The following PCSK2 variants were observed in gnomAD, a reference collection of about 807,000 sequenced individuals.
PCSK2 encodes the protein proprotein convertase subtilisin/kexin type 2.
In PCSK2, 14 loss-of-function variants were observed where a neutral mutation model predicts 69.7. The ratio of observed to expected loss-of-function variants is 0.20; its 90% CI spans 0.13 to 0.31. The LOEUF (loss-of-function observed/expected upper bound fraction) is 0.31. Ranked by LOEUF, PCSK2 falls within the 10% of genes least tolerant of loss-of-function variation. PCSK2 has a pLI of 1.00. For synonymous variants in PCSK2, 307 were observed against 320.7 expected (o/e 0.96, Z 0.46); for missense variants, 544 against 842.5 (o/e 0.65, Z 4.39).
In PCSK2 at chr20:17,291,969, G is replaced by C. The variant is rs1988710786; in HGVS notation, c.282+31625G>C. On this transcript the variant is annotated intron_variant, in intron 2 of 11. Coordinates refer to ENST00000262545, the MANE Select transcript of PCSK2 (RefSeq NM_002594.5). ...ATCAAGAAAAATCTAGGGGTAAAAA[G>C]TGTCTTTCATAGGAGTCCAAAAATA... Among the ~76,000 whole-genome samples the C allele has an allele frequency of 2.0e-5, 3 of 152,280 alleles. No individual in the cohort carries two copies. The South Asian group carries it at 6.2e-4, about 32-fold the overall frequency.
At chr20:17,285,005 A>T (rs1253441508) in intron 2 of PCSK2, among the ~76,000 whole-genome samples, 3 of 152,144 alleles carry the variant, frequency 2.0e-5, no homozygotes, top group Non-Finnish European at 4.4e-5. Flanking sequence ...AAGTCTTGTG[A>T]TTTTAATGTC....
chr20:17,267,322 C>T (rs1276539001), intron 2 of PCSK2, among the ~76,000 whole-genome samples: 1 of 152,174 alleles, frequency 6.6e-6, no homozygotes, highest in Admixed American at 6.5e-5. Context: ...GTAAACCATT[C>T]ATGAGTGATG....
At chr20:17,348,094 A>AGAAAGAAT (rs1990749134) in intron 2 of PCSK2, among the ~76,000 whole-genome samples, 2 of 146,078 alleles carry the variant, frequency 1.4e-5, no homozygotes, top group South Asian at 2.2e-4. Context: ...AAAGAAAGAA[A>AGAAAGAAT]GAAAGAAAGA....
chr20:17,335,857 G>GGTGTGTGTGTGTGTGT (rs3138653), intron 2 of PCSK2, among the ~76,000 whole-genome samples: 6 of 142,696 alleles, frequency 4.2e-5, no homozygotes, highest in Non-Finnish European at 7.6e-5. Flanking sequence ...AGTAGTCCAT[G>GGTGTGTGTGTGTGTGT]GTGTGTGTGT....
chr20:17,398,739 T>C (rs1456176615), intron 5 of PCSK2, among the ~76,000 whole-genome samples: 4 of 151,618 alleles, frequency 2.6e-5, no homozygotes, highest in African/African-American at 9.7e-5. Context: ...AGAGGTTCTG[T>C]TGGGTTTGTT....
At chr20:17,420,665 A>C (rs2032103487) in intron 6 of PCSK2, among the ~76,000 whole-genome samples, 1 of 152,252 alleles carries the variant, frequency 6.6e-6, no homozygotes, top group African/African-American at 2.4e-5. Flanking sequence ...TAATGTGTAC[A>C]TGCCATATAG....
chr20:17,241,775 T>A (rs943890188), intron 1 of PCSK2, among the ~76,000 whole-genome samples: 1 of 152,142 alleles, frequency 6.6e-6, no homozygotes, highest in African/African-American at 2.4e-5. Context: ...TATAAATATA[T>A]GAATGCAGAA....
intron 2 of PCSK2, among the ~76,000 whole-genome samples, chr20:17,321,328 G>A (rs1989860695): frequency 6.6e-6 from 1 of 152,174 alleles, no homozygotes; most frequent in South Asian, 2.1e-4. Flanking sequence ...AAGTATGTAA[G>A]CAGCCCATCC....
chr20:17,393,338 A>C (rs1228267222), intron 5 of PCSK2, among the ~76,000 whole-genome samples: 1 of 152,200 alleles, frequency 6.6e-6, no homozygotes, highest in Non-Finnish European at 1.5e-5. Flanking sequence ...TTTTTAACTG[A>C]ATGAAATAAA....
intron 2 of PCSK2, among the ~76,000 whole-genome samples, chr20:17,264,872 T>A (rs1444141093): frequency 6.6e-6 from 1 of 152,112 alleles, no homozygotes; most frequent in East Asian, 1.9e-4. Context: ...TTCTTTCTTT[T>A]TTTTTTCCTG....
chr20:17,300,479 T>A (rs1009036363), intron 2 of PCSK2, among the ~76,000 whole-genome samples: 117 of 152,350 alleles, frequency 7.7e-4, no homozygotes, highest in African/African-American at 2.7e-3. Flanking sequence ...CTAACTTAAA[T>A]TATGCATGTT....
At chr20:17,322,679 T>C (rs1989906629) in intron 2 of PCSK2, among the ~76,000 whole-genome samples, 1 of 152,180 alleles carries the variant, frequency 6.6e-6, no homozygotes, top group South Asian at 2.1e-4. Flanking sequence ...CCTTCCAAGA[T>C]GGCACCTTGT....
intron 4 of PCSK2, 144 bp from the exon 5 acceptor site, chr20:17,369,096 G>A (rs2030682486): frequency 1.4e-6 from 1 of 699,738 alleles, no homozygotes; most frequent in South Asian, 1.6e-5. Context: ...TGCAAGACTG[G>A]GAGCTGTGTG....
rs1555799067 is a variant in PCSK2, at chr20:17,481,413, A to AGAG, written c.1431-171_1431-170insGAG. Among the ~76,000 whole-genome samples the AGAG allele has an allele frequency of 4.9e-4, 57 of 115,828 alleles. 7 individuals carry two copies. Among genetic ancestry groups the AGAG allele is most frequent in the African/African-American group, 1.8e-3 (46 of 25,838 alleles). The allele number at this position is 115,828 out of a possible 152,430, so 76.0% of individuals were successfully genotyped here. A position where few individuals can be genotyped will look rare whatever the true frequency, so the allele number is the denominator to read the frequency against. On this transcript the variant is annotated intron_variant, in intron 11 of 11. Coordinates refer to ENST00000262545, the MANE Select transcript of PCSK2 (RefSeq NM_002594.5). ...CAAAAAAAAAAAAAAAAAAAAAAAA[A>AGAG]AGAGATAAGTAACTTACTCAGGCTC...
At chr20:17,369,536 C>T (rs1292399633) in intron 5 of PCSK2, among the ~76,000 whole-genome samples, 1 of 152,212 alleles carries the variant, frequency 6.6e-6, no homozygotes. Context: ...CATGCATGCA[C>T]ACACAGACAG....
At chr20:17,390,751 A>G (rs2031350729) in intron 5 of PCSK2, among the ~76,000 whole-genome samples, 1 of 152,202 alleles carries the variant, frequency 6.6e-6, no homozygotes, top group Non-Finnish European at 1.5e-5. Context: ...AAAGATTCAA[A>G]CATTACAGAA....
chr20:17,404,588 C>G (rs1052122220), intron 5 of PCSK2, among the ~76,000 whole-genome samples: 1 of 152,198 alleles, frequency 6.6e-6, no homozygotes, highest in African/African-American at 2.4e-5. Context: ...GCATGAGACA[C>G]AGGAGGAGCA....
intron 2 of PCSK2, among the ~76,000 whole-genome samples, chr20:17,306,099 C>A (rs1989317779): frequency 1.3e-5 from 2 of 152,108 alleles, no homozygotes; most frequent in Admixed American, 6.5e-5. Context: ...TTCTAAAACA[C>A]AATTATATGG....
At chr20:17,287,891 G>A (rs890494258) in intron 2 of PCSK2, among the ~76,000 whole-genome samples, 2 of 152,160 alleles carry the variant, frequency 1.3e-5, no homozygotes, top group Non-Finnish European at 2.9e-5. Context: ...TGGTGGCCTC[G>A]TTGCCCTTGC....
Sources: gnomAD v4.1 joint callset for allele counts (sites outside exome capture counted in the v4.1 genomes callset) on GRCh38, gnomAD v4.1.1 for gene constraint, MANE v1.5 for transcripts, NCBI Gene and HGNC (gene_info 2026-07-23, HGNC 2026-07-21) for gene names.